CNTNAP5: variants seen among roughly 807,000 people sequenced by gnomAD.
The protein encoded by CNTNAP5 is contactin associated protein family member 5, also known as contactin-associated protein-like 5.
A neutral mutation model predicts 150.2 loss-of-function variants in CNTNAP5; 72 were observed. The ratio of observed to expected loss-of-function variants is 0.48; its 90% CI spans 0.40 to 0.58. The LOEUF is 0.58. CNTNAP5 is among the 20% of genes least tolerant of loss of function. The probability of loss-of-function intolerance (pLI) is 0.00; values close to 1 mark genes in which losing one functional copy is unlikely to be tolerated. For synonymous variants in CNTNAP5, 672 were observed against 619.8 expected (o/e 1.08, Z -1.25); for missense variants, 1,636 against 1,626.2 (o/e 1.01, Z -0.10).
chr2:124,724,321 G>A (rs1409532890), intron 13 of CNTNAP5, among the ~76,000 whole-genome samples: 1 of 152,062 alleles, frequency 6.6e-6, no homozygotes, highest in Non-Finnish European at 1.5e-5. Context: ...ATTAAGAGAT[G>A]TGTAGGGTGA....
At chr2:124,197,104 T>A (rs1685605443) in intron 1 of CNTNAP5, among the ~76,000 whole-genome samples, 1 of 152,252 alleles carries the variant, frequency 6.6e-6, no homozygotes, top group Non-Finnish European at 1.5e-5. Flanking sequence ...ATTGCAGGAA[T>A]ATATAAATAT....
chr2:124,786,169 G>A (rs943663105), intron 17 of CNTNAP5, among the ~76,000 whole-genome samples: 2 of 151,634 alleles, frequency 1.3e-5, no homozygotes, highest in African/African-American at 4.9e-5. Context: ...GGCTGAGGCA[G>A]GAGGATCGCT....
chr2:124,292,864 A>G (rs1471550186), intron 3 of CNTNAP5, among the ~76,000 whole-genome samples: 1 of 152,032 alleles, frequency 6.6e-6, no homozygotes, highest in Non-Finnish European at 1.5e-5. Flanking sequence ...AGTTATGTCA[A>G]CAATTTCCAA....
In CNTNAP5 at chr2:124,687,238, G is replaced by C. The variant is rs144212249; in HGVS notation, c.2077+39280G>C. Reference sequence around the variant, plus strand: ...TACCTGTTAAAAATCTCCCACACAAGTTCTTCTGCTTGAAGAGCCTGAGCA... The same window carrying C: ...TACCTGTTAAAAATCTCCCACACAACTTCTTCTGCTTGAAGAGCCTGAGCA... On this transcript the variant is annotated intron_variant, in intron 13 of 23. Transcript: ENST00000682447. Among the ~76,000 whole-genome samples the C allele has an allele frequency of 5.3e-5, 8 of 151,964 alleles. No individual in the cohort carries two copies. The East Asian group carries it at 1.2e-3, about 22-fold the overall frequency.
chr2:124,536,283 G>A lies in CNTNAP5; in HGVS notation c.1649+8827G>A, dbSNP rs141499300. Among the ~76,000 whole-genome samples, 69 of 152,208 alleles carry A rather than the reference G, an allele frequency of 4.5e-4. 1 individual carries two copies. In the East Asian group the frequency reaches 8.1e-3, roughly 18 times the overall value. The stretch of plus-strand genomic sequence containing the variant: ...AGCAAACATTCCTAAATGTTATTTC[G>A]TTTTATTCTCTCCATAGTCTGCAAG... On this transcript the variant is annotated intron_variant, in intron 10 of 23. Coordinates refer to ENST00000682447, the MANE Select transcript of CNTNAP5 (RefSeq NM_001367498.1).
In CNTNAP5 at chr2:124,606,088, A is replaced by G. The variant is rs188541779; in HGVS notation, c.1757-3713A>G. ...TTAAATTAGCAATTTATATGTAGAA[A>G]ACTAGGCAAATGAGAAAATATGACA... is the stretch of plus-strand genomic sequence containing the variant. On this transcript the variant is annotated intron_variant, in intron 11 of 23. Transcript: ENST00000682447. Among the ~76,000 whole-genome samples, 144 of 152,254 alleles carry G rather than the reference A, an allele frequency of 9.5e-4. No homozygotes were observed. The Middle Eastern group carries it at 0.01, about 11-fold the overall frequency.
chr2:124,725,688 C>A (rs2105121320), intron 13 of CNTNAP5, among the ~76,000 whole-genome samples: 1 of 152,110 alleles, frequency 6.6e-6, no homozygotes, highest in South Asian at 2.1e-4. Flanking sequence ...ATAACTGAAA[C>A]TTTGTACTCT....
At chr2:124,853,584 C>A (rs145659568) in intron 19 of CNTNAP5, among the ~76,000 whole-genome samples, 1 of 152,218 alleles carries the variant, frequency 6.6e-6, no homozygotes, top group Non-Finnish European at 1.5e-5. Flanking sequence ...TTTTTGTTTT[C>A]CAAACTAAGT....
intron 10 of CNTNAP5, among the ~76,000 whole-genome samples, chr2:124,532,580 G>T (rs987007567): frequency 6.6e-6 from 1 of 152,154 alleles, no homozygotes; most frequent in Non-Finnish European, 1.5e-5. Context: ...TGCTGATGAG[G>T]AAGGTGTCTG....
At chr2:124,309,180 T>G (rs376540506) in intron 3 of CNTNAP5, among the ~76,000 whole-genome samples, 33 of 152,304 alleles carry the variant, frequency 2.2e-4, no homozygotes, top group African/African-American at 7.9e-4. Flanking sequence ...ATGCAATGTG[T>G]TCTCTCTCTC....
intron 1 of CNTNAP5, among the ~76,000 whole-genome samples, chr2:124,051,916 C>A (rs1407467612): frequency 6.6e-6 from 1 of 152,172 alleles, no homozygotes; most frequent in African/African-American, 2.4e-5. Flanking sequence ...ACCAACCCCT[C>A]CCAAATCTCT....
chr2:124,461,367 G>A (rs1693246801), intron 6 of CNTNAP5, among the ~76,000 whole-genome samples: 1 of 151,924 alleles, frequency 6.6e-6, no homozygotes, highest in South Asian at 2.1e-4. Context: ...ATGAGTTCAT[G>A]TCCTTTGTAA....
chr2:124,267,977 G>A (rs536109065), intron 3 of CNTNAP5, among the ~76,000 whole-genome samples: 2 of 152,308 alleles, frequency 1.3e-5, no homozygotes, highest in South Asian at 2.1e-4. Flanking sequence ...TGCAGATGGA[G>A]TGAGAACACT....
At chr2:124,512,627 T>C (rs1453989937) in intron 8 of CNTNAP5, among the ~76,000 whole-genome samples, 2 of 152,122 alleles carry the variant, frequency 1.3e-5, no homozygotes, top group Non-Finnish European at 2.9e-5. Flanking sequence ...GAGCAAGCAA[T>C]AGTGTTTATC....
intron 1 of CNTNAP5, among the ~76,000 whole-genome samples, chr2:124,167,705 C>A (rs898033532): frequency 6.6e-6 from 1 of 152,176 alleles, no homozygotes; most frequent in Non-Finnish European, 1.5e-5. Flanking sequence ...CCTGCAGGGT[C>A]ATAGCTACTC....
At chr2:124,633,579 A>C (rs1345895201) in intron 12 of CNTNAP5, among the ~76,000 whole-genome samples, 1 of 152,148 alleles carries the variant, frequency 6.6e-6, no homozygotes, top group African/African-American at 2.4e-5. Flanking sequence ...TAGTGGATCT[A>C]CTATTTGGGG....
Position 124,417,582 on chromosome 2 carries a change from G to A in CNTNAP5, c.521G>A (p.Cys174Tyr). 6.2e-7 allele frequency: 1 copy of A among 1,613,124 alleles called. No individual in the cohort carries two copies. Among genetic ancestry groups the A allele is most frequent in the Non-Finnish European group, 8.5e-7 (1 of 1,179,498 alleles). The change falls in exon 4 of 24, where the codon TGT (cysteine) becomes TAT (tyrosine). Residue 174 changes from cysteine to tyrosine, a missense_variant. Transcript: ENST00000682447. ...GGCATGAGAGTCGAGGTCTACGGAT[G>A]TTCCTATAGTAAGTACTCACATGTA... The part of the protein sequence containing the change: ...KIGMRVEVYG[C>Y]SYKSDVADFD...
intron 18 of CNTNAP5, among the ~76,000 whole-genome samples, chr2:124,793,129 G>C (rs1189160323): frequency 6.6e-6 from 1 of 152,134 alleles, no homozygotes; most frequent in Non-Finnish European, 1.5e-5. Context: ...CAAATCGGCT[G>C]TTCCATTTTA....
chr2:124,689,880 A>G (rs1414775788), intron 13 of CNTNAP5, among the ~76,000 whole-genome samples: 4 of 152,098 alleles, frequency 2.6e-5, no homozygotes, highest in Admixed American at 6.6e-5. Context: ...TGTGCCCAAT[A>G]TAGGACAATG....
Sources: allele counts gnomAD v4.1 joint callset (sites outside exome capture counted in the v4.1 genomes callset), GRCh38; gene constraint gnomAD v4.1.1; transcripts MANE v1.5; gene names NCBI Gene and HGNC (gene_info 2026-07-23, HGNC 2026-07-21).